The following SLC35F3 variants were observed in gnomAD, a reference collection of about 807,000 sequenced individuals.
The protein encoded by SLC35F3 is solute carrier family 35 member F3.
Under a neutral mutation model 49.9 loss-of-function variants are expected in SLC35F3, and 25 were observed. That is an observed-to-expected ratio of 0.50 (90% CI 0.37 to 0.70). SLC35F3 has a LOEUF of 0.70. Ranked by LOEUF, SLC35F3 falls within the 30% of genes least tolerant of loss-of-function variation. The pLI is 0.00. For synonymous variants in SLC35F3, 275 were observed against 265.4 expected, an observed-to-expected ratio of 1.04 and a Z score of -0.35; for missense variants, 525 against 639.8, an observed-to-expected ratio of 0.82 and a Z score of 1.94.
chr1:234,284,597 G>A (rs1668381903), intron 3 of SLC35F3, among the ~76,000 whole-genome samples: 1 of 152,216 alleles, frequency 6.6e-6, no homozygotes, highest in African/African-American at 2.4e-5. Context: ...AAAGCAAAGT[G>A]CCTTTGATTG....
At chr1:234,299,570 C>T (rs1418049654) in intron 3 of SLC35F3, among the ~76,000 whole-genome samples, 3 of 152,000 alleles carry the variant, frequency 2.0e-5, no homozygotes, top group African/African-American at 7.2e-5. Flanking sequence ...CTTTGGGAGG[C>T]CAAGACGGGC....
intron 3 of SLC35F3, among the ~76,000 whole-genome samples, chr1:234,302,729 G>A (rs151032094): frequency 6.6e-6 from 1 of 152,174 alleles, no homozygotes; most frequent in African/African-American, 2.4e-5. Context: ...GTCTGTCTGG[G>A]CTGTGGCATC....
chr1:234,127,879 A>G (rs1373820539), intron 2 of SLC35F3, among the ~76,000 whole-genome samples: 2 of 152,238 alleles, frequency 1.3e-5, no homozygotes, highest in African/African-American at 2.4e-5. Flanking sequence ...AAGGTCAGAC[A>G]GATATATATG....
chr1:234,070,346 G>A (rs1201044753), intron 2 of SLC35F3, among the ~76,000 whole-genome samples: 1 of 152,200 alleles, frequency 6.6e-6, no homozygotes, highest in Non-Finnish European at 1.5e-5. Flanking sequence ...TGAAAGCACA[G>A]CACATCAAAA....
At chr1:234,189,661 G>A (rs1296818362) in intron 2 of SLC35F3, among the ~76,000 whole-genome samples, 8 of 151,894 alleles carry the variant, frequency 5.3e-5, no homozygotes, top group Non-Finnish European at 8.8e-5. Flanking sequence ...AATAATTAAG[G>A]AGAACTTCCT....
rs141660308 is a variant in SLC35F3 at position 233,934,451 on chromosome 1, G to T, written c.283+28693G>T. ...TAATTTCCCTGATAATAACTAGTCA[G>T]CTAGATGGGTTATACTATTGAGTTA... On this transcript the variant is annotated intron_variant, in intron 2 of 7. Transcript: ENST00000366618. Among the ~76,000 whole-genome samples, 1,146 of 152,202 alleles carry T rather than the reference G, an allele frequency of 7.5e-3. 11 individuals are homozygous for T. Among genetic ancestry groups the T allele is most frequent in the Middle Eastern group, 0.034 (10 of 294 alleles).
At chr1:234,127,979 G>A (rs988042646) in intron 2 of SLC35F3, among the ~76,000 whole-genome samples, 2 of 152,168 alleles carry the variant, frequency 1.3e-5, no homozygotes, top group African/African-American at 4.8e-5. Context: ...CAGAGGACAA[G>A]GACACACGCT....
At chr1:234,133,765 G>T (rs1665768811) in intron 2 of SLC35F3, among the ~76,000 whole-genome samples, 1 of 152,224 alleles carries the variant, frequency 6.6e-6, no homozygotes, top group South Asian at 2.1e-4. Flanking sequence ...CCCTTGTAAT[G>T]AGTAGTGCTA....
intron 2 of SLC35F3, among the ~76,000 whole-genome samples, chr1:234,222,526 G>A (rs1667222241): frequency 6.6e-6 from 1 of 152,156 alleles, no homozygotes; most frequent in African/African-American, 2.4e-5. Context: ...TCTGATTAGA[G>A]GACCAGAGAT....
intron 2 of SLC35F3, among the ~76,000 whole-genome samples, chr1:234,108,571 ATT>A: frequency 9.7e-6 from 1 of 102,984 alleles, no homozygotes; most frequent in South Asian, 3.3e-4. Flanking sequence ...GATATATATT[ATT>A]TATATATATA....
chr1:234,143,292 T>TCTTTTC (rs772961017), intron 2 of SLC35F3, among the ~76,000 whole-genome samples: 340 of 123,952 alleles, frequency 2.7e-3, no homozygotes, highest in African/African-American at 0.011. Context: ...TCTTTTCTTT[T>TCTTTTC]TTTTTTTTTT....
chr1:234,056,571 A>G (rs762712318), intron 2 of SLC35F3, among the ~76,000 whole-genome samples: 12 of 152,172 alleles, frequency 7.9e-5, no homozygotes, highest in Non-Finnish European at 1.6e-4. Context: ...CTTTCTGTCT[A>G]TAGATGTGCC....
chr1:233,954,205 G>A (rs1206129155), intron 2 of SLC35F3, among the ~76,000 whole-genome samples: 12 of 152,024 alleles, frequency 7.9e-5, no homozygotes, highest in East Asian at 5.8e-4. Context: ...ATGATATTTC[G>A]CCGTGTTAGC....
At chr1:233,927,214 C>T (rs887061472) in intron 2 of SLC35F3, among the ~76,000 whole-genome samples, 1 of 152,138 alleles carries the variant, frequency 6.6e-6, no homozygotes, top group Non-Finnish European at 1.5e-5. Flanking sequence ...TATAAACAAA[C>T]AATCATGTGT....
chr1:234,294,813 G>C (rs1192779734), intron 3 of SLC35F3, among the ~76,000 whole-genome samples: 2 of 152,138 alleles, frequency 1.3e-5, no homozygotes, highest in Admixed American at 6.5e-5. Context: ...TGCTAGGAGA[G>C]ACAGCTATGT....
chr1:234,068,407 C>T (rs185407136), intron 2 of SLC35F3, among the ~76,000 whole-genome samples: 6 of 152,148 alleles, frequency 3.9e-5, no homozygotes, highest in Admixed American at 3.9e-4. Flanking sequence ...GTAAGTTAGC[C>T]CTGACTCTCA....
At chr1:234,237,246 A>C (rs1013399486) in intron 3 of SLC35F3, among the ~76,000 whole-genome samples, 1 of 152,108 alleles carries the variant, frequency 6.6e-6, no homozygotes, top group Non-Finnish European at 1.5e-5. Context: ...AATGACTGTC[A>C]GGTGTTTGTT....
At chr1:234,225,846 G>A (rs1667278209) in intron 2 of SLC35F3, among the ~76,000 whole-genome samples, 1 of 152,152 alleles carries the variant, frequency 6.6e-6, no homozygotes, top group Non-Finnish European at 1.5e-5. Context: ...TTCTCTTCAG[G>A]CATCAAAAGA....
chr1:233,980,675 A>G (rs1172453300), intron 2 of SLC35F3, among the ~76,000 whole-genome samples: 2 of 152,102 alleles, frequency 1.3e-5, no homozygotes, highest in Non-Finnish European at 2.9e-5. Flanking sequence ...ATGATGTTAT[A>G]TTTTCATCTT....
Sources: gnomAD v4.1 joint callset for allele counts (sites outside exome capture counted in the v4.1 genomes callset) on GRCh38, gnomAD v4.1.1 for gene constraint, MANE v1.5 for transcripts, NCBI Gene and HGNC (gene_info 2026-07-23, HGNC 2026-07-21) for gene names.